NYAP2: variants seen among roughly 807,000 people sequenced by gnomAD.
The protein encoded by NYAP2 is neuronal tyrosine-phosphorylated phosphoinositide-3-kinase adaptor 2.
Under a neutral mutation model 50.4 loss-of-function variants are expected in NYAP2, and 23 were observed. The ratio of observed to expected loss-of-function variants is 0.46; its 90% CI spans 0.33 to 0.65. The LOEUF (loss-of-function observed/expected upper bound fraction) is 0.65. Among genes scored for constraint, NYAP2 ranks in the 30% least tolerant of loss-of-function variants. The probability of loss-of-function intolerance (pLI) is 0.02; values close to 1 mark genes in which losing one functional copy is unlikely to be tolerated. For missense variants in NYAP2, 885 were observed against 861.0 expected (o/e 1.03, Z -0.35); for synonymous variants, 394 against 365.2 (o/e 1.08, Z -0.90).
chr2:225,646,514 G>C (rs1191986095), intron 6 of NYAP2, among the ~76,000 whole-genome samples: 1 of 152,208 alleles, frequency 6.6e-6, no homozygotes, highest in African/African-American at 2.4e-5. Flanking sequence ...TTGCGCCATT[G>C]CACTCCAGCC....
At chr2:225,572,067 C>T (rs2106222570) in intron 4 of NYAP2, among the ~76,000 whole-genome samples, 1 of 152,356 alleles carries the variant, frequency 6.6e-6, no homozygotes, top group South Asian at 2.1e-4. Flanking sequence ...TTCCTCATCT[C>T]CAACTGAGAC....
chr2:225,576,687 A>G (rs1026327817), intron 4 of NYAP2, among the ~76,000 whole-genome samples: 2 of 152,226 alleles, frequency 1.3e-5, no homozygotes, highest in Admixed American at 6.5e-5. Flanking sequence ...TAGTGCTGCT[A>G]TGGAAAGGAC....
At chr2:225,570,558 T>A (rs1241294616) in intron 4 of NYAP2, among the ~76,000 whole-genome samples, 5 of 152,136 alleles carry the variant, frequency 3.3e-5, no homozygotes, top group African/African-American at 1.2e-4. Flanking sequence ...AAATGCCAGA[T>A]GCCTATGAAA....
At chr2:225,627,080 A>G in exon 6 of NYAP2, 1 of 1,596,890 alleles carries the variant, frequency 6.3e-7, no homozygotes, top group Admixed American at 1.7e-5. Context: ...GTCGACTAGG[A>G]AGATGCTCTG....
At chr2:225,674,010 C>T in the NYAP2 span, among the ~76,000 whole-genome samples, 2 of 152,080 alleles carry the variant, frequency 1.3e-5, no homozygotes, top group Non-Finnish European at 2.9e-5. Flanking sequence ...GAGCAGAGGA[C>T]CCCATTCGGG....
chr2:225,581,883 A>G (rs1404237242), intron 4 of NYAP2, 58 bp from the exon 5 acceptor site: 9 of 1,503,014 alleles, frequency 6.0e-6, no homozygotes, highest in Middle Eastern at 3.6e-4. Context: ...CATGCAAATC[A>G]TTTTTGAAAA....
the NYAP2 span, among the ~76,000 whole-genome samples, chr2:225,666,722 G>A: frequency 6.6e-6 from 1 of 151,998 alleles, no homozygotes; most frequent in Non-Finnish European, 1.5e-5. Flanking sequence ...GATGACAAAT[G>A]TTTCTTATTT....
At chr2:225,465,726 C>G (rs1327859415) in intron 3 of NYAP2, among the ~76,000 whole-genome samples, 1 of 152,086 alleles carries the variant, frequency 6.6e-6, no homozygotes, top group East Asian at 1.9e-4. Context: ...AAAAAACAAA[C>G]AAACAAACAA....
intron 3 of NYAP2, among the ~76,000 whole-genome samples, chr2:225,469,794 G>A (rs1197435161): frequency 6.6e-6 from 1 of 151,934 alleles, no homozygotes; most frequent in East Asian, 1.9e-4. Context: ...AATTGGAGTT[G>A]AACAATGAGA....
At chr2:225,433,358 T>TA (rs10553749) in intron 3 of NYAP2, among the ~76,000 whole-genome samples, 94 of 149,082 alleles carry the variant, frequency 6.3e-4, no homozygotes, top group Middle Eastern at 3.4e-3. Context: ...CCTATCTGTT[T>TA]AAAAAAAAAA....
At chr2:225,507,739 A>G (rs1442169677) in intron 3 of NYAP2, among the ~76,000 whole-genome samples, 1 of 149,624 alleles carries the variant, frequency 6.7e-6, no homozygotes, top group Non-Finnish European at 1.5e-5. Context: ...TAAATGTAGG[A>G]ATTTTATGGC....
intron 2 of NYAP2, among the ~76,000 whole-genome samples, chr2:225,404,655 T>C (rs1694910716): frequency 6.6e-6 from 1 of 151,974 alleles, no homozygotes; most frequent in South Asian, 2.1e-4. Context: ...TTATACAAAG[T>C]GATCTTTGTG....
At chr2:225,575,707 A>T (rs1335483457) in intron 4 of NYAP2, among the ~76,000 whole-genome samples, 2 of 152,138 alleles carry the variant, frequency 1.3e-5, no homozygotes, top group Admixed American at 1.3e-4. Flanking sequence ...TCAAGGGGAG[A>T]AGAAATAGAC....
chr2:225,619,726 G>A (rs945083645), intron 5 of NYAP2, among the ~76,000 whole-genome samples: 27 of 152,138 alleles, frequency 1.8e-4, no homozygotes, highest in African/African-American at 6.0e-4. Context: ...TGCATGAGGT[G>A]TGATGGATTA....
chr2:225,701,565 A>T, the NYAP2 span: 1 of 151,786 alleles, frequency 6.6e-6, no homozygotes, highest in African/African-American at 2.4e-5. Context: ...GCATCCTCTG[A>T]GGTATAAGAG....
At chr2:225,625,281 A>G (rs1693190188) in intron 5 of NYAP2, among the ~76,000 whole-genome samples, 2 of 152,128 alleles carry the variant, frequency 1.3e-5, no homozygotes, top group South Asian at 4.1e-4. Context: ...TGATGTGTGA[A>G]GAACTGAGAA....
At chr2:225,553,163 G>A (rs551296406) in intron 4 of NYAP2, among the ~76,000 whole-genome samples, 5 of 152,290 alleles carry the variant, frequency 3.3e-5, no homozygotes, top group East Asian at 1.9e-4. Flanking sequence ...GCCTGGCGGC[G>A]GCTGCTAATT....
chr2:225,616,799 A>G (rs1692999545), intron 5 of NYAP2, among the ~76,000 whole-genome samples: 1 of 152,110 alleles, frequency 6.6e-6, no homozygotes, highest in Non-Finnish European at 1.5e-5. Flanking sequence ...GTGATTTCCA[A>G]GGGCTGTTTC....
At chr2:225,622,525 C>A (rs1693126387) in intron 5 of NYAP2, among the ~76,000 whole-genome samples, 1 of 43,112 alleles carries the variant, frequency 2.3e-5, no homozygotes, top group Non-Finnish European at 4.8e-5. Context: ...TTTCTTCTTT[C>A]TTTCTTTCTT....
Sources: allele counts gnomAD v4.1 joint callset (sites outside exome capture counted in the v4.1 genomes callset), GRCh38; gene constraint gnomAD v4.1.1; transcripts MANE v1.5; gene names NCBI Gene and HGNC (gene_info 2026-07-23, HGNC 2026-07-21).